The following DSCAM variants were observed in gnomAD, a reference collection of about 807,000 sequenced individuals.
DSCAM encodes the protein cell adhesion molecule DSCAM.
DSCAM carries 47 observed loss-of-function variants against 217.7 expected under a neutral mutation model. The ratio of observed to expected loss-of-function variants is 0.22; its 90% CI spans 0.17 to 0.28. DSCAM has a LOEUF of 0.28. Ranked by LOEUF, DSCAM falls within the 10% of genes least tolerant of loss-of-function variation. DSCAM has a pLI of 1.00. For synonymous variants in DSCAM, 1,056 were observed against 1,015.3 expected (o/e 1.04, Z -0.76); for missense variants, 2,080 against 2,618.3 (o/e 0.79, Z 4.49).
chr21:40,629,279 C>A (rs2089655396), intron 3 of DSCAM, among the ~76,000 whole-genome samples: 1 of 152,116 alleles, frequency 6.6e-6, no homozygotes, highest in Admixed American at 6.5e-5. Flanking sequence ...TCTTCGAACC[C>A]TTTAATTCTA....
intron 29 of DSCAM, among the ~76,000 whole-genome samples, chr21:40,054,135 A>G (rs2088976756): frequency 6.6e-6 from 1 of 152,244 alleles, no homozygotes; most frequent in Admixed American, 6.5e-5. Flanking sequence ...CTACTGGGTG[A>G]AACAAAAGAG....
chr21:40,735,928 ATTCCCCGAGAT>A (rs1275945796), intron 1 of DSCAM, among the ~76,000 whole-genome samples: 1 of 152,094 alleles, frequency 6.6e-6, no homozygotes, highest in Non-Finnish European at 1.5e-5. Flanking sequence ...TAAGGGCTCC[ATTCCCCGAGAT>A]TGCCCTCACT....
intron 1 of DSCAM, among the ~76,000 whole-genome samples, chr21:40,752,290 C>T (rs746202255): frequency 3.3e-5 from 5 of 152,156 alleles, no homozygotes; most frequent in Non-Finnish European, 7.3e-5. Flanking sequence ...CTCACCTCTT[C>T]CTCCTGACTG....
intron 3 of DSCAM, among the ~76,000 whole-genome samples, chr21:40,376,634 T>A (rs1198372985): frequency 2.7e-5 from 4 of 145,500 alleles, no homozygotes; most frequent in African/African-American, 1.0e-4. Flanking sequence ...TATCTATATA[T>A]CTTATATAGA....
intron 16 of DSCAM, among the ~76,000 whole-genome samples, chr21:40,165,853 C>G (rs527767910): frequency 7.9e-5 from 12 of 151,794 alleles, no homozygotes; most frequent in Admixed American, 3.3e-4. Flanking sequence ...GGCGGGAATG[C>G]GTGTGGGGTT....
At chr21:40,417,738 T>G (rs2075385668) in intron 3 of DSCAM, among the ~76,000 whole-genome samples, 2 of 152,210 alleles carry the variant, frequency 1.3e-5, no homozygotes, top group South Asian at 4.1e-4. Flanking sequence ...TGTGCTTAGT[T>G]AATATTAATC....
intron 3 of DSCAM, among the ~76,000 whole-genome samples, chr21:40,637,623 A>AT (rs1491156074): frequency 0.094 from 4,252 of 45,094 alleles, 269 homozygotes; most frequent in South Asian, 0.11. Flanking sequence ...ATAAATATAT[A>AT]CATATATAAA....
chr21:40,284,719 G>C (rs1299855630), intron 10 of DSCAM, among the ~76,000 whole-genome samples: 1 of 152,162 alleles, frequency 6.6e-6, no homozygotes, highest in East Asian at 1.9e-4. Context: ...GTGCTTAAAG[G>C]GCCGCGCAGT....
intron 1 of DSCAM, among the ~76,000 whole-genome samples, chr21:40,800,687 G>A (rs909528306): frequency 1.3e-5 from 2 of 151,218 alleles, no homozygotes; most frequent in African/African-American, 2.4e-5. Context: ...CTGACACAAG[G>A]CATTTCTTCT....
intron 3 of DSCAM, among the ~76,000 whole-genome samples, chr21:40,523,191 G>C (rs898822879): frequency 4.6e-5 from 7 of 152,292 alleles, no homozygotes; most frequent in East Asian, 1.9e-4. Flanking sequence ...GGGTAGAGGA[G>C]GTTGTGGTCC....
intron 3 of DSCAM, among the ~76,000 whole-genome samples, chr21:40,380,031 G>A (rs1444816115): frequency 8.5e-5 from 13 of 152,156 alleles, no homozygotes; most frequent in Non-Finnish European, 1.5e-4. Context: ...TGTAAGGAGA[G>A]ATTTGGTGTA....
chr21:40,744,078 C>G (rs913992999), intron 1 of DSCAM, among the ~76,000 whole-genome samples: 1 of 152,126 alleles, frequency 6.6e-6, no homozygotes, highest in African/African-American at 2.4e-5. Context: ...TTGTATAATG[C>G]CACTCACAGA....
chr21:40,677,566 T>C (rs894995316), intron 3 of DSCAM, among the ~76,000 whole-genome samples: 3 of 152,168 alleles, frequency 2.0e-5, no homozygotes, highest in African/African-American at 4.8e-5. Context: ...TCAAGAAACA[T>C]TGGCCTAAGG....
At chr21:40,675,131 T>C (rs947606539) in intron 3 of DSCAM, among the ~76,000 whole-genome samples, 5 of 152,150 alleles carry the variant, frequency 3.3e-5, no homozygotes, top group African/African-American at 1.2e-4. Context: ...TTTCATGGCA[T>C]GGCATGGGAA....
chr21:40,736,281 G>T (rs2091062444), intron 1 of DSCAM, among the ~76,000 whole-genome samples: 1 of 152,036 alleles, frequency 6.6e-6, no homozygotes, highest in Non-Finnish European at 1.5e-5. Context: ...TCATTTAGGG[G>T]GCTTTCTGGT....
rs1349643044 is a variant in DSCAM at position 40,498,680 on chromosome 21, TATATATATATATATATAG to T, written c.509-129453_509-129436del. On this transcript the variant is annotated intron_variant, in intron 3 of 32. Transcript: ENST00000400454. ...GTATATATATACCCATATATATATA[TATATATATATATATATAG>T]ATATATATATATGGGTGTATATATA... 9.0e-3 allele frequency among the ~76,000 whole-genome samples: 59 copies of T among 6,582 alleles called. 3 individuals are homozygous for T. Among genetic ancestry groups the T allele is most frequent in the African/African-American group, 0.036 (21 of 586 alleles). 4.3% of individuals were successfully genotyped at this position (6,582 alleles called of 152,430 possible).
chr21:40,656,822 A>G (rs2090082025), intron 3 of DSCAM, among the ~76,000 whole-genome samples: 1 of 152,234 alleles, frequency 6.6e-6, no homozygotes, highest in Admixed American at 6.5e-5. Flanking sequence ...GCTCAGTTTA[A>G]GTAAGAGCAT....
At chr21:40,049,768 G>A (rs1040139299) in intron 30 of DSCAM, among the ~76,000 whole-genome samples, 13 of 152,124 alleles carry the variant, frequency 8.5e-5, no homozygotes, top group Non-Finnish European at 1.8e-4. Flanking sequence ...CCTGGCACTC[G>A]CTGACCACTG....
chr21:40,620,331 GAAAA>G (rs1397900506), intron 3 of DSCAM, among the ~76,000 whole-genome samples: 2 of 86,616 alleles, frequency 2.3e-5, no homozygotes, highest in African/African-American at 4.5e-5. Flanking sequence ...AGAGAAAAAA[GAAAA>G]AGAAAGAAAG....
Sources: gnomAD v4.1 joint callset for allele counts (sites outside exome capture counted in the v4.1 genomes callset) on GRCh38, gnomAD v4.1.1 for gene constraint, MANE v1.5 for transcripts, NCBI Gene and HGNC (gene_info 2026-07-23, HGNC 2026-07-21) for gene names.